The following TCF7L2 variants were observed in gnomAD, a reference collection of about 807,000 sequenced individuals.
The protein encoded by TCF7L2 is transcription factor 7 like 2.
In TCF7L2, 23 loss-of-function variants were observed where a neutral mutation model predicts 77.9. The ratio of observed to expected loss-of-function variants is 0.30; its 90% CI spans 0.21 to 0.42. TCF7L2 has a LOEUF of 0.42. Among genes scored for constraint, TCF7L2 ranks in the 10% least tolerant of loss-of-function variants. The pLI, the probability that TCF7L2 is intolerant of heterozygous loss-of-function variation, is 1.00. For synonymous variants in TCF7L2, 413 were observed against 340.2 expected, an observed-to-expected ratio of 1.21 and a Z score of -2.36; for missense variants, 654 against 793.1, an observed-to-expected ratio of 0.82 and a Z score of 2.11.
chr10:113,151,560 C>A lies in TCF7L2; in HGVS notation c.1002-165C>A, dbSNP rs1012193497. ...TCTCTTCCCCCAACCCCTCCCCAAG[C>A]TATTTTTGTTCCATTTTCCGGGGTG... is the stretch of plus-strand genomic sequence containing the variant. On this transcript the variant is annotated intron_variant, in intron 9 of 13. Coordinates refer to ENST00000627217, the MANE Select transcript of TCF7L2 (RefSeq NM_001146274.2). The surrounding 1 kb of genome is among the most constrained non-coding windows in gnomAD (Gnocchi z 5.2). 2.6e-5 allele frequency among the ~76,000 whole-genome samples: 4 copies of A among 152,108 alleles called. No individual in the cohort carries two copies. The highest frequency in any genetic ancestry group is 9.7e-5 in the African/African-American group (4 of 41,414).
chr10:112,974,924 G>A (rs2135026842), intron 4 of TCF7L2, among the ~76,000 whole-genome samples: 1 of 151,886 alleles, frequency 6.6e-6, no homozygotes, highest in African/African-American at 2.4e-5. Flanking sequence ...GTTTGATTTG[G>A]TTGCATGGTA....
At chr10:113,141,377 T>A (rs2068344522) in intron 6 of TCF7L2, 61 bp downstream of exon 6, 1 of 1,609,146 alleles carries the variant, frequency 6.2e-7, no homozygotes, top group Non-Finnish European at 8.5e-7. Flanking sequence ...GGGGAACCTT[T>A]GAGGCCTCCA....
At chr10:113,029,524 CTTTTT>C (rs35839723) in intron 4 of TCF7L2, among the ~76,000 whole-genome samples, 1 of 130,196 alleles carries the variant, frequency 7.7e-6, no homozygotes. Context: ...CTCCATTCCT[CTTTTT>C]TTTTTTTTTT....
intron 5 of TCF7L2, among the ~76,000 whole-genome samples, chr10:113,072,204 C>A (rs975745760): frequency 6.6e-6 from 1 of 151,226 alleles, no homozygotes; most frequent in Non-Finnish European, 1.5e-5. Flanking sequence ...TACAGGCACC[C>A]GCCACCACGC....
chr10:113,155,357 A>G (rs776698865), intron 11 of TCF7L2, among the ~76,000 whole-genome samples: 1 of 151,934 alleles, frequency 6.6e-6, no homozygotes, highest in Non-Finnish European at 1.5e-5. Context: ...CTTTTCTTCT[A>G]CCCATATCGT....
At chr10:113,145,460 T>C (rs2069190972) in intron 7 of TCF7L2, among the ~76,000 whole-genome samples, 1 of 152,352 alleles carries the variant, frequency 6.6e-6, no homozygotes, top group East Asian at 1.9e-4. Context: ...TGATTGTCTA[T>C]TGGTTACCCA....
At chr10:112,986,672 G>A (rs538754062) in intron 4 of TCF7L2, among the ~76,000 whole-genome samples, 2 of 152,308 alleles carry the variant, frequency 1.3e-5, no homozygotes, top group Non-Finnish European at 2.9e-5. Context: ...TGCTCAGGCT[G>A]TGGTTAAGAG....
At chr10:113,023,266 G>A (rs1410534291) in intron 4 of TCF7L2, among the ~76,000 whole-genome samples, 2 of 152,180 alleles carry the variant, frequency 1.3e-5, no homozygotes, top group Non-Finnish European at 2.9e-5. Flanking sequence ...TGGTTGGGAT[G>A]ACTGTGTATT....
At chr10:113,079,961 T>A (rs1429403790) in intron 5 of TCF7L2, among the ~76,000 whole-genome samples, 2 of 152,042 alleles carry the variant, frequency 1.3e-5, no homozygotes, top group East Asian at 3.9e-4. Context: ...CTGATCGCCA[T>A]CCTTTTATTG....
intron 5 of TCF7L2, chr10:113,129,584 T>C (rs2066228877): frequency 1.2e-5 from 12 of 1,014,782 alleles, no homozygotes; most frequent in Admixed American, 5.3e-5. Context: ...TTTTTAGGGA[T>C]GTGTGTACAG....
At chr10:113,138,495 A>G (rs770639777) in intron 5 of TCF7L2, among the ~76,000 whole-genome samples, 4 of 152,184 alleles carry the variant, frequency 2.6e-5, no homozygotes, top group Non-Finnish European at 5.9e-5. Context: ...AAGTAGAGAA[A>G]GAGGGTTTTC....
intron 5 of TCF7L2, among the ~76,000 whole-genome samples, chr10:113,087,523 G>T (rs953960564): frequency 3.9e-5 from 6 of 152,224 alleles, no homozygotes; most frequent in Non-Finnish European, 8.8e-5. Context: ...AAATTGGGCT[G>T]ATCTTTCAAA....
At chr10:113,129,016 T>C (rs1424618444) in intron 5 of TCF7L2, among the ~76,000 whole-genome samples, 1 of 152,126 alleles carries the variant, frequency 6.6e-6, no homozygotes, top group Non-Finnish European at 1.5e-5. Flanking sequence ...AAAAGCGAGT[T>C]AGCATTCTGA....
At chr10:113,014,400 G>C (rs933944536) in intron 4 of TCF7L2, among the ~76,000 whole-genome samples, 6 of 152,170 alleles carry the variant, frequency 3.9e-5, no homozygotes, top group African/African-American at 1.2e-4. Flanking sequence ...GGCCAAGGAT[G>C]CTTCTAGAAT....
intron 5 of TCF7L2, among the ~76,000 whole-genome samples, chr10:113,084,458 G>A (rs974644494): frequency 6.6e-6 from 1 of 152,224 alleles, no homozygotes; most frequent in African/African-American, 2.4e-5. Flanking sequence ...CAGGCCTTCA[G>A]CTGATGGGCT....
At chr10:112,994,264 C>T (rs900468074) in intron 4 of TCF7L2, among the ~76,000 whole-genome samples, 2 of 152,142 alleles carry the variant, frequency 1.3e-5, no homozygotes, top group African/African-American at 4.8e-5. Flanking sequence ...CTCCCCCCAG[C>T]CCCTGGCAAT....
At chr10:112,957,448 C>T (rs1011130792) in intron 3 of TCF7L2, among the ~76,000 whole-genome samples, 1 of 152,008 alleles carries the variant, frequency 6.6e-6, no homozygotes, top group African/African-American at 2.4e-5. Context: ...TCCAGGTTTA[C>T]ACTGGGGATG....
intron 4 of TCF7L2, among the ~76,000 whole-genome samples, chr10:113,024,227 G>A (rs1473725652): frequency 6.6e-6 from 1 of 152,064 alleles, no homozygotes; most frequent in South Asian, 2.1e-4. Flanking sequence ...GAACCTGGGA[G>A]GCGGAGATTG....
chr10:113,060,580 C>T (rs976673859), intron 5 of TCF7L2, among the ~76,000 whole-genome samples: 18 of 152,178 alleles, frequency 1.2e-4, no homozygotes, highest in Admixed American at 5.9e-4. Context: ...TTGCAGGCAG[C>T]TAAAGTCAGC....
Sources: gnomAD v4.1 joint callset for allele counts (sites outside exome capture counted in the v4.1 genomes callset) on GRCh38, gnomAD v4.1.1 for gene constraint, Gnocchi (gnomAD v3.1) non-coding constraint, MANE v1.5 for transcripts, NCBI Gene and HGNC (gene_info 2026-07-23, HGNC 2026-07-21) for gene names.